DGLUCY: variants seen among roughly 807,000 people sequenced by gnomAD.
The protein encoded by DGLUCY is D-glutamate cyclase, mitochondrial.
A neutral mutation model predicts 58.5 loss-of-function variants in DGLUCY; 58 were observed. The ratio of observed to expected loss-of-function variants is 0.99; its 90% CI spans 0.80 to 1.23. The LOEUF (loss-of-function observed/expected upper bound fraction) is 1.23. DGLUCY is among the 50% of genes most tolerant of loss of function. DGLUCY has a pLI of 0.00. For missense variants in DGLUCY, 779 were observed against 784.7 expected (o/e 0.99, Z 0.09); for synonymous variants, 325 against 314.1 (o/e 1.03, Z -0.37).
upstream of DGLUCY, among the ~76,000 whole-genome samples, chr14:91,110,561 G>A (rs542338366): frequency 6.6e-6 from 1 of 151,722 alleles, no homozygotes; most frequent in South Asian, 2.1e-4. Flanking sequence ...CTCCCTGGTA[G>A]CTGGGACTAC....
chr14:91,102,736 A>AGAGTGT (rs1555391094), intron 1 of DGLUCY, among the ~76,000 whole-genome samples: 1 of 60,736 alleles, frequency 1.6e-5, no homozygotes, highest in Non-Finnish European at 4.1e-5. Flanking sequence ...GACCCCTTCC[A>AGAGTGT]GTGTGTATGT....
upstream of DGLUCY, among the ~76,000 whole-genome samples, chr14:91,104,188 G>C (rs1391541233): frequency 6.7e-6 from 1 of 149,346 alleles, no homozygotes; most frequent in East Asian, 2.0e-4. Context: ...TCAGCCTCCT[G>C]AGTAGCTGGG....
intron 5 of DGLUCY, 136 bp downstream of exon 5, chr14:91,170,337 G>C (rs1168872795): frequency 1.0e-6 from 1 of 980,224 alleles, no homozygotes. Flanking sequence ...GCCATTTCTA[G>C]CTGTGCAACC....
chr14:91,079,167 G>A (rs990054667), intron 1 of DGLUCY, among the ~76,000 whole-genome samples: 3 of 151,950 alleles, frequency 2.0e-5, no homozygotes, highest in Non-Finnish European at 4.4e-5. Context: ...GTCTCCCAAA[G>A]TGCAGGGATT....
chr14:91,223,319 C>A (rs940540282), intron 13 of DGLUCY, among the ~76,000 whole-genome samples: 1 of 152,182 alleles, frequency 6.6e-6, no homozygotes, highest in Non-Finnish European at 1.5e-5. Context: ...GTTCAATAAA[C>A]CTTTGATCAA....
intron 1 of DGLUCY, among the ~76,000 whole-genome samples, chr14:91,077,079 CA>C (rs892714640): frequency 2.0e-5 from 3 of 151,906 alleles, no homozygotes; most frequent in Admixed American, 1.3e-4. Context: ...CCTGTCTCTA[CA>C]AAAAATGAAT....
intron 12 of DGLUCY, among the ~76,000 whole-genome samples, chr14:91,210,000 G>T: frequency 6.6e-6 from 1 of 152,194 alleles, no homozygotes; most frequent in African/African-American, 2.4e-5. Flanking sequence ...GACATAATAC[G>T]CCAGGCACAA....
intron 5 of DGLUCY, among the ~76,000 whole-genome samples, 180 bp downstream of exon 5, chr14:91,170,381 C>T (rs1446857191): frequency 2.6e-5 from 4 of 152,198 alleles, no homozygotes; most frequent in African/African-American, 7.2e-5. Context: ...GAGCCAGCCT[C>T]GGTCCCACTC....
chr14:91,181,520 A>G (rs2049166589), intron 8 of DGLUCY, 131 bp downstream of exon 8: 1 of 841,318 alleles, frequency 1.2e-6, no homozygotes, highest in Non-Finnish European at 1.8e-6. Flanking sequence ...TTAAATGTTG[A>G]TACTGCATAT....
intron 13 of DGLUCY, among the ~76,000 whole-genome samples, chr14:91,218,904 G>C (rs1468310234): frequency 1.3e-5 from 2 of 151,956 alleles, no homozygotes; most frequent in Non-Finnish European, 2.9e-5. Flanking sequence ...GAGAGGCCGG[G>C]CATGGTGGCT....
chr14:91,199,783 G>T lies in DGLUCY; in HGVS notation c.1322G>T (p.Arg441Leu). Residue 441 changes from arginine (R) to leucine (L), a missense_variant, in exon 11 of 14, where the codon CGT becomes CTT. Coordinates refer to ENST00000256324, the MANE Select transcript of DGLUCY (RefSeq NM_001102368.3). ...TTTGACCACCTGGTGGCCATAGAGC[G>T]TGCCGGAAGAGCTGCTGATGGCAAT... ...PRFDHLVAIE[R>L]AGRAADGNYY... The T allele has an allele frequency of 6.2e-7, 1 of 1,614,114 alleles. No homozygotes were observed. Among genetic ancestry groups the T allele is most frequent in the Non-Finnish European group, 8.5e-7 (1 of 1,180,028 alleles).
At chr14:91,153,434 C>G (rs111232115) in intron 1 of DGLUCY, among the ~76,000 whole-genome samples, 1 of 152,196 alleles carries the variant, frequency 6.6e-6, no homozygotes, top group Non-Finnish European at 1.5e-5. Flanking sequence ...CCGCCCACCT[C>G]GGCCTCTCAA....
chr14:91,128,107 T>G (rs2045820495), intron 1 of DGLUCY, among the ~76,000 whole-genome samples: 1 of 151,704 alleles, frequency 6.6e-6, no homozygotes, highest in Non-Finnish European at 1.5e-5. Flanking sequence ...GATATTAGGG[T>G]CTGTCATTTG....
intron 1 of DGLUCY, among the ~76,000 whole-genome samples, chr14:91,122,601 A>AGTTT (rs1269923129): frequency 1.1e-4 from 7 of 65,886 alleles, no homozygotes; most frequent in East Asian, 1.3e-3. Context: ...AAAAGAAAAA[A>AGTTT]GTTTTTTTTT....
intron 11 of DGLUCY, among the ~76,000 whole-genome samples, chr14:91,204,282 TACATTTC>T (rs919079587): frequency 1.3e-5 from 2 of 152,138 alleles, no homozygotes; most frequent in African/African-American, 2.4e-5. Flanking sequence ...CTAAAACACA[TACATTTC>T]ACATTCTTTC....
At chr14:91,192,773 C>T (rs572525072) in intron 9 of DGLUCY, among the ~76,000 whole-genome samples, 1 of 152,184 alleles carries the variant, frequency 6.6e-6, no homozygotes, top group Admixed American at 6.5e-5. Context: ...CAATGCACTC[C>T]AGCCTGGGTG....
chr14:91,074,312 A>ATATATAT (rs754926022), intron 1 of DGLUCY, among the ~76,000 whole-genome samples: 2 of 121,916 alleles, frequency 1.6e-5, no homozygotes, highest in African/African-American at 3.7e-5. Flanking sequence ...AAAAAAAAAA[A>ATATATAT]ATATATATAT....
At chr14:91,142,274 A>G (rs1270827902) in intron 1 of DGLUCY, among the ~76,000 whole-genome samples, 1 of 152,188 alleles carries the variant, frequency 6.6e-6, no homozygotes, top group Non-Finnish European at 1.5e-5. Flanking sequence ...ATTTATGCAG[A>G]GTCTAATTCA....
intron 1 of DGLUCY, among the ~76,000 whole-genome samples, chr14:91,065,437 G>A (rs1362189257): frequency 6.6e-6 from 1 of 152,194 alleles, no homozygotes; most frequent in Non-Finnish European, 1.5e-5. Context: ...AGTCCAAGGA[G>A]TTGGCGCTAG....
Sources: gnomAD v4.1 joint callset for allele counts (sites outside exome capture counted in the v4.1 genomes callset) on GRCh38, gnomAD v4.1.1 for gene constraint, MANE v1.5 for transcripts, NCBI Gene and HGNC (gene_info 2026-07-23, HGNC 2026-07-21) for gene names.